ATG4C: variants seen among roughly 807,000 people sequenced by gnomAD.
ATG4C encodes the protein cysteine protease ATG4C.
A neutral mutation model predicts 57.6 loss-of-function variants in ATG4C; 56 were observed. The observed-to-expected ratio is 0.97, with a 90% CI of 0.78 to 1.21. The LOEUF is 1.21. Among genes scored for constraint, ATG4C ranks in the 50% most tolerant of loss-of-function variants. The pLI, the probability that ATG4C is intolerant of heterozygous loss-of-function variation, is 0.00. For synonymous variants in ATG4C, 157 were observed against 174.1 expected (o/e 0.90, Z 0.78); for missense variants, 595 against 529.8 (o/e 1.12, Z -1.21).
At chr1:62,816,317 C>T (rs1665269347) in intron 3 of ATG4C, among the ~76,000 whole-genome samples, 1 of 151,930 alleles carries the variant, frequency 6.6e-6, no homozygotes, top group Non-Finnish European at 1.5e-5. Flanking sequence ...TTATTAATAA[C>T]AAGAGTATTG....
chr1:62,863,033 A>AAAGATGTTTGAGT (rs1383782228), intron 10 of ATG4C, among the ~76,000 whole-genome samples: 9 of 152,016 alleles, frequency 5.9e-5, no homozygotes, highest in African/African-American at 2.2e-4. Flanking sequence ...TCTTTTTGTC[A>AAAGATGTTTGAGT]AAACATCCTT....
chr1:62,834,017 T>C, intron 7 of ATG4C, 21 bp from the exon 8 acceptor site: 1 of 1,603,498 alleles, frequency 6.2e-7, no homozygotes, highest in Non-Finnish European at 8.5e-7. Context: ...TGACTAAATC[T>C]GTATTAATTT....
chr1:62,803,450 A>T (rs888489068), intron 1 of ATG4C, among the ~76,000 whole-genome samples: 2 of 152,042 alleles, frequency 1.3e-5, no homozygotes, highest in Non-Finnish European at 2.9e-5. Flanking sequence ...GTTGGGGGAG[A>T]TTATTGCTTG....
chr1:62,863,655 A>G (rs952342186), intron 10 of ATG4C, among the ~76,000 whole-genome samples: 5 of 152,038 alleles, frequency 3.3e-5, no homozygotes, highest in Non-Finnish European at 1.5e-5. Flanking sequence ...TTCATTGTCT[A>G]TTACTACCTA....
intron 10 of ATG4C, among the ~76,000 whole-genome samples, chr1:62,855,789 A>C (rs1333272683): frequency 6.6e-6 from 1 of 152,214 alleles, no homozygotes; most frequent in African/African-American, 2.4e-5. Context: ...CACAACTAAT[A>C]AACGGTGGTA....
intron 1 of ATG4C, among the ~76,000 whole-genome samples, chr1:62,784,841 C>G (rs143345192): frequency 0.025 from 3,848 of 152,228 alleles, 58 homozygotes; most frequent in Middle Eastern, 0.061. Flanking sequence ...CCCAACCCTA[C>G]CCACATCTAA....
At chr1:62,814,201 C>T (rs1031537842) in intron 3 of ATG4C, among the ~76,000 whole-genome samples, 2 of 152,146 alleles carry the variant, frequency 1.3e-5, no homozygotes, top group African/African-American at 4.8e-5. Context: ...AACCCAAATG[C>T]CCATCAGTGA....
chr1:62,788,764 ATTTC>A (rs1287810045), intron 1 of ATG4C, among the ~76,000 whole-genome samples: 2 of 151,956 alleles, frequency 1.3e-5, no homozygotes, highest in African/African-American at 4.8e-5. Flanking sequence ...AGTCTTTATC[ATTTC>A]TTTCTTTTTT....
intron 1 of ATG4C, among the ~76,000 whole-genome samples, chr1:62,793,875 A>G (rs1407834689): frequency 1.3e-5 from 2 of 152,142 alleles, no homozygotes; most frequent in African/African-American, 4.8e-5. Context: ...CCTCTTATGT[A>G]AAGACTACTA....
At chr1:62,799,314 T>C (rs1360356805) in intron 1 of ATG4C, among the ~76,000 whole-genome samples, 1 of 152,232 alleles carries the variant, frequency 6.6e-6, no homozygotes, top group East Asian at 1.9e-4. Flanking sequence ...TGCTGAATTA[T>C]TTATTAAACT....
At chr1:62,820,225 A>T (rs576931314) in intron 5 of ATG4C, among the ~76,000 whole-genome samples, 1 of 152,182 alleles carries the variant, frequency 6.6e-6, no homozygotes, top group Non-Finnish European at 1.5e-5. Flanking sequence ...CTACCCTTCA[A>T]GATGTTCTCT....
At chr1:62,826,780 C>G (rs1052495996) in intron 6 of ATG4C, among the ~76,000 whole-genome samples, 1 of 133,160 alleles carries the variant, frequency 7.5e-6, no homozygotes, top group African/African-American at 2.8e-5. Context: ...GTGTGATGTT[C>G]CCCACCCTGT....
chr1:62,796,314 A>C (rs1572096373), intron 1 of ATG4C, among the ~76,000 whole-genome samples: 1 of 151,548 alleles, frequency 6.6e-6, no homozygotes, highest in Admixed American at 6.6e-5. Flanking sequence ...TTTTAATAGA[A>C]CAAAGCATTA....
At chr1:62,862,179 C>T (rs890675108) in intron 10 of ATG4C, among the ~76,000 whole-genome samples, 3 of 152,002 alleles carry the variant, frequency 2.0e-5, no homozygotes, top group Non-Finnish European at 4.4e-5. Flanking sequence ...ATAAGGAGAC[C>T]TTATACTGCA....
intron 10 of ATG4C, among the ~76,000 whole-genome samples, chr1:62,842,168 C>T (rs1362472659): frequency 1.3e-5 from 2 of 151,862 alleles, no homozygotes; most frequent in Non-Finnish European, 2.9e-5. Flanking sequence ...ATATCTGTCT[C>T]TATGTAGTAT....
rs187439405 is a variant in ATG4C, at chr1:62,843,688, C to G, written c.1209+2141C>G. Among the ~76,000 whole-genome samples, 183 of 152,044 alleles carry G rather than the reference C, an allele frequency of 1.2e-3. 1 individual carries two copies. The highest frequency in any genetic ancestry group is 4.0e-3 in the African/African-American group (165 of 41,442). The stretch of plus-strand genomic sequence containing the variant: ...AAAATATTAATAAAAATTGTTAAAC[C>G]AATTCAGTGTTTAGCAGAATTCAGT... On this transcript the variant is annotated intron_variant, in intron 10 of 10. Coordinates refer to ENST00000317868, the MANE Select transcript of ATG4C (RefSeq NM_032852.4).
At chr1:62,850,661 T>C (rs1666477001) in intron 10 of ATG4C, among the ~76,000 whole-genome samples, 1 of 151,884 alleles carries the variant, frequency 6.6e-6, no homozygotes, top group Non-Finnish European at 1.5e-5. Flanking sequence ...ATTCTCTTCC[T>C]ACAGATATTC....
intron 10 of ATG4C, among the ~76,000 whole-genome samples, chr1:62,861,863 T>C (rs1025357476): frequency 7.9e-5 from 12 of 152,196 alleles, no homozygotes; most frequent in African/African-American, 2.7e-4. Flanking sequence ...ATAGCCTAAA[T>C]TGTATTTTTT....
intron 10 of ATG4C, among the ~76,000 whole-genome samples, chr1:62,846,896 G>A (rs954066162): frequency 6.6e-6 from 1 of 152,100 alleles, no homozygotes; most frequent in Non-Finnish European, 1.5e-5. Flanking sequence ...GTCATACTGG[G>A]CAGGGCACAG....
Sources: gnomAD v4.1 joint callset for allele counts (sites outside exome capture counted in the v4.1 genomes callset) on GRCh38, gnomAD v4.1.1 for gene constraint, MANE v1.5 for transcripts, NCBI Gene and HGNC (gene_info 2026-07-23, HGNC 2026-07-21) for gene names.